CCDC80: variants seen among roughly 807,000 people sequenced by gnomAD.
CCDC80 encodes the protein coiled-coil domain-containing protein 80.
Under a neutral mutation model 78.7 loss-of-function variants are expected in CCDC80, and 49 were observed. The ratio of observed to expected loss-of-function variants is 0.62; its 90% CI spans 0.50 to 0.79. The LOEUF (loss-of-function observed/expected upper bound fraction) is 0.79, where lower values mean the gene tolerates loss of function less well. Among genes scored for constraint, CCDC80 ranks in the 30% least tolerant of loss-of-function variants. CCDC80 has a pLI of 0.00. For missense variants in CCDC80, 1,205 were observed against 1,198.6 expected (o/e 1.01, Z -0.08); for synonymous variants, 488 against 447.0 (o/e 1.09, Z -1.16).
chr3:112,635,990 G>A (rs16859890), intron 2 of CCDC80, among the ~76,000 whole-genome samples: 2,183 of 152,290 alleles, frequency 0.014, 126 homozygotes, highest in East Asian at 0.12. Flanking sequence ...CAAACTAGCG[G>A]CAATGGGAAA....
chr3:112,601,774 C>A lies in CCDC80; in HGVS notation c.*3643G>T, dbSNP rs1215519474. ...ACTTTGATATGCCATATGATTGAAA[C>A]AAATGCTCTTTTTTCAAAGACAAGG... On this transcript the variant is annotated 3_prime_UTR_variant, in exon 8 of 8. Coordinates refer to ENST00000206423, the MANE Select transcript of CCDC80 (RefSeq NM_199511.3). The A allele has an allele frequency of 6.6e-6, 1 of 151,038 alleles. No individual in the cohort carries two copies. The highest frequency in any genetic ancestry group is 2.5e-5 in the African/African-American group (1 of 40,574). The allele number at this position is 151,038 out of a possible 1,614,324, so 9.4% of individuals were successfully genotyped here.
At chr3:112,635,899 A>AG (rs1478397419) in intron 2 of CCDC80, among the ~76,000 whole-genome samples, 1 of 152,216 alleles carries the variant, frequency 6.6e-6, no homozygotes, top group Admixed American at 6.5e-5. Flanking sequence ...TCTCCCACTA[A>AG]GGGAGTGGGG....
intron 4 of CCDC80, among the ~76,000 whole-genome samples, chr3:112,618,461 A>G (rs902599096): frequency 5.3e-5 from 8 of 152,062 alleles, no homozygotes; most frequent in Non-Finnish European, 2.9e-5. Context: ...TGGGGGGTGG[A>G]GCTTGCAGTG....
rs1180013752 is a variant in CCDC80, at chr3:112,640,867, A to G, written c.-552T>C. 1 of 152,220 alleles carries G rather than the reference A, an allele frequency of 6.6e-6. No homozygotes were observed. Among genetic ancestry groups the G allele is most frequent in the Admixed American group, 6.5e-5 (1 of 15,284 alleles). 9.4% of individuals were successfully genotyped at this position (152,220 alleles called of 1,614,324 possible). A position where few individuals can be genotyped will look rare whatever the true frequency, so the allele number is the denominator to read the frequency against. Reference sequence around the variant, plus strand: ...GGGAAAACACAGGAATGTGATGTCGAAAAGGGACTTTTTTTTTCTTTCACT... The same window carrying G: ...GGGAAAACACAGGAATGTGATGTCGGAAAGGGACTTTTTTTTTCTTTCACT... On this transcript the variant is annotated 5_prime_UTR_variant, in exon 1 of 8. Coordinates refer to ENST00000206423, the MANE Select transcript of CCDC80 (RefSeq NM_199511.3).
intron 2 of CCDC80, among the ~76,000 whole-genome samples, chr3:112,631,935 T>C (rs1317723881): frequency 2.0e-5 from 3 of 152,228 alleles, no homozygotes; most frequent in East Asian, 1.9e-4. Flanking sequence ...AGACATGCTT[T>C]AGTTTATTTT....
chr3:112,630,019 T>C (rs1936064328), intron 3 of CCDC80, 94 bp downstream of exon 3: 2 of 1,206,844 alleles, frequency 1.7e-6, no homozygotes, highest in Non-Finnish European at 2.4e-6. Flanking sequence ...AACATCTTCA[T>C]TTTCTTTTGG....
At position 112,630,289 on chromosome 3, in the gene CCDC80, A is replaced by T; in HGVS notation, c.1879-20T>A. 2 of 1,612,262 alleles carry T rather than the reference A, an allele frequency of 1.2e-6. No individual in the cohort carries two copies. Among genetic ancestry groups the T allele is most frequent in the Non-Finnish European group, 1.7e-6 (2 of 1,178,492 alleles). On this transcript the variant is annotated intron_variant, in intron 2 of 7. Transcript: ENST00000206423. The stretch of plus-strand genomic sequence containing the variant: ...GATCAGCTGGAGGTGGGTGAAGACA[A>T]ACAAATACTCATTTATAGTGATAGT...
intron 5 of CCDC80, among the ~76,000 whole-genome samples, chr3:112,616,449 G>GAAAAAAAAAAAAAAAAAAAAAAA (rs59366104): frequency 1.5e-5 from 2 of 133,648 alleles, no homozygotes; most frequent in Non-Finnish European, 3.2e-5. Context: ...AAAAAGAAAA[G>GAAAAAAAAAAAAAAAAAAAAAAA]AAAAAAAAAA....
At chr3:112,625,916 A>G (rs1935960629) in intron 3 of CCDC80, among the ~76,000 whole-genome samples, 1 of 152,186 alleles carries the variant, frequency 6.6e-6, no homozygotes, top group African/African-American at 2.4e-5. Context: ...TCATTATTCT[A>G]TCAAAAGAAA....
chr3:112,630,116 G>A lies in CCDC80; in HGVS notation c.2032C>T (p.Leu678=). The part of the protein sequence containing the change: ...NSTMKIDHFQ[L]DNEKPMRVVD... ...TAATTAAAATGTTTAAGAGAACCTA[G>A]CTGAAAGTGGTCGATTTTCATGGTG... Residue 678 remains leucine (L), a synonymous_variant, in exon 3 of 8, where the codon CTA becomes TTA. Transcript: ENST00000206423. 1 of 1,613,516 alleles carries A rather than the reference G, an allele frequency of 6.2e-7. No individual in the cohort carries two copies. The highest frequency in any genetic ancestry group is 8.5e-7 in the Non-Finnish European group (1 of 1,179,590).
chr3:112,620,481 A>C (rs1233737628), intron 3 of CCDC80, among the ~76,000 whole-genome samples: 1 of 152,140 alleles, frequency 6.6e-6, no homozygotes, highest in Non-Finnish European at 1.5e-5. Context: ...TACAATTATT[A>C]GATTTATATT....
At chr3:112,625,016 G>C (rs1935937447) in intron 3 of CCDC80, among the ~76,000 whole-genome samples, 1 of 152,138 alleles carries the variant, frequency 6.6e-6, no homozygotes, top group South Asian at 2.1e-4. Flanking sequence ...GTAGAAAGGG[G>C]AGGTGGGAGT....
chr3:112,619,085 T>G lies in CCDC80; in HGVS notation c.2055A>C (p.Arg685=). 1.3e-6 allele frequency: 2 copies of G among 1,594,566 alleles called. No individual in the cohort carries two copies. The highest frequency in any genetic ancestry group is 1.7e-6 in the Non-Finnish European group (2 of 1,173,188). Residue 685 remains arginine, a synonymous_variant, in exon 4 of 8, where the codon CGA becomes CGC. Coordinates refer to ENST00000206423, the MANE Select transcript of CCDC80 (RefSeq NM_199511.3). Reference sequence around the variant, plus strand: ...CTACCAAGTCTTCATCATCCACCACTCGCATGGGCTTCTCATTATCTTAAG... The same window carrying G: ...CTACCAAGTCTTCATCATCCACCACGCGCATGGGCTTCTCATTATCTTAAG... ...HFQLDNEKPM[R]VVDDEDLVDQ...
Position 112,620,283 on chromosome 3 carries a change from G to A in CCDC80, c.2036-1179C>T, listed in dbSNP as rs79391796. On this transcript the variant is annotated intron_variant, in intron 3 of 7. Transcript: ENST00000206423. ...CTCCAAAGCAAATCAAAATGAGAGG[G>A]GAAAGAATCAATCTGTTTTCCTCCC... is the stretch of plus-strand genomic sequence containing the variant. 5.3e-5 allele frequency among the ~76,000 whole-genome samples: 8 copies of A among 152,256 alleles called. No individual in the cohort carries two copies. The East Asian group carries it at 1.2e-3, about 22-fold the overall frequency.
chr3:112,605,458 A>G lies in CCDC80; in HGVS notation c.2812T>C (p.Tyr938His), dbSNP rs114697626. The G allele has an allele frequency of 6.2e-3, 10,072 of 1,613,834 alleles. 61 individuals are homozygous for G. Among genetic ancestry groups the G allele is most frequent in the Middle Eastern group, 8.4e-3 (51 of 6,060 alleles). Residue 938 changes from tyrosine (Y) to histidine (H), a missense_variant, in exon 8 of 8, where the codon TAC becomes CAC. Coordinates refer to ENST00000206423, the MANE Select transcript of CCDC80 (RefSeq NM_199511.3). The part of the protein sequence containing the change: ...QGYQDGYQDD[Y>H]RHHESYHHGY... Reference sequence around the variant, plus strand: ...TGGTGATAACTCTCATGATGACGGTAGTCATCCTGGTAACCATCCTGGTAT... The same window carrying G: ...TGGTGATAACTCTCATGATGACGGTGGTCATCCTGGTAACCATCCTGGTAT...
chr3:112,611,146 C>G lies in CCDC80; in HGVS notation c.2322-1065G>C, dbSNP rs530056048. On this transcript the variant is annotated intron_variant, in intron 5 of 7. Coordinates refer to ENST00000206423, the MANE Select transcript of CCDC80 (RefSeq NM_199511.3). Reference sequence around the variant, plus strand: ...GCCAGGATGGTCTCGATCTCCTGACCTGGTGATCTGCCCTCCTCGGCCTCC... The same window carrying G: ...GCCAGGATGGTCTCGATCTCCTGACGTGGTGATCTGCCCTCCTCGGCCTCC... Among the ~76,000 whole-genome samples, 119 of 152,240 alleles carry G rather than the reference C, an allele frequency of 7.8e-4. 1 individual carries two copies. Among genetic ancestry groups the G allele is most frequent in the African/African-American group, 2.8e-3 (116 of 41,546 alleles).
At position 112,599,898 on chromosome 3, in the gene CCDC80, G is replaced by T. The variant is rs932059056; in HGVS notation, c.*5519C>A. 2 of 152,220 alleles carry T rather than the reference G, an allele frequency of 1.3e-5. No homozygotes were observed. Among genetic ancestry groups the T allele is most frequent in the African/African-American group, 2.4e-5 (1 of 41,462 alleles). 9.4% of individuals were successfully genotyped at this position (152,220 alleles called of 1,614,324 possible). Reference sequence around the variant, plus strand: ...TGTGACAACCAGCAATTTCGGCAAAGCTATGTCCTCAAGAGTCTTCCAGAT... The same window carrying T: ...TGTGACAACCAGCAATTTCGGCAAATCTATGTCCTCAAGAGTCTTCCAGAT... On this transcript the variant is annotated 3_prime_UTR_variant, in exon 8 of 8. Transcript: ENST00000206423.
intron 3 of CCDC80, among the ~76,000 whole-genome samples, chr3:112,627,682 G>A (rs1158008433): frequency 4.6e-5 from 7 of 152,158 alleles, no homozygotes; most frequent in Non-Finnish European, 1.0e-4. Flanking sequence ...CCGACTCCCA[G>A]TCTTGGCTCA....
intron 3 of CCDC80, among the ~76,000 whole-genome samples, chr3:112,619,836 C>T (rs1253725991): frequency 6.6e-6 from 1 of 152,160 alleles, no homozygotes; most frequent in African/African-American, 2.4e-5. Context: ...ATACTAGTGG[C>T]TTTACATGGC....
Sources: allele counts gnomAD v4.1 joint callset (sites outside exome capture counted in the v4.1 genomes callset), GRCh38; gene constraint gnomAD v4.1.1; transcripts MANE v1.5; gene names NCBI Gene and HGNC (gene_info 2026-07-23, HGNC 2026-07-21).